Variants in ANO4 observed in about 807,000 individuals in gnomAD.
The protein encoded by ANO4 is anoctamin 4, also known as anoctamin-4.
ANO4 carries 69 observed loss-of-function variants against 141.9 expected under a neutral mutation model. The observed-to-expected ratio is 0.49, with a 90% CI of 0.40 to 0.59. ANO4 has a LOEUF of 0.59. ANO4 is among the 20% of genes least tolerant of loss of function. The probability of loss-of-function intolerance (pLI) is 0.00; values close to 1 mark genes in which losing one functional copy is unlikely to be tolerated. For missense variants in ANO4, 894 were observed against 1,162.2 expected, an observed-to-expected ratio of 0.77 and a Z score of 3.36; for synonymous variants, 350 against 394.3, an observed-to-expected ratio of 0.89 and a Z score of 1.33.
chr12:100,975,492 G>A (rs113018498), intron 7 of ANO4, among the ~76,000 whole-genome samples: 3,148 of 147,294 alleles, frequency 0.021, 105 homozygotes, highest in African/African-American at 0.075. Context: ...TACCATCTCC[G>A]CTAACCGCAA....
chr12:101,098,671 A>G (rs2050075486), intron 21 of ANO4, among the ~76,000 whole-genome samples: 1 of 152,212 alleles, frequency 6.6e-6, no homozygotes, highest in African/African-American at 2.4e-5. Context: ...GATGTTTTCT[A>G]TAAAACTTTT....
intron 7 of ANO4, among the ~76,000 whole-genome samples, chr12:100,979,814 G>A (rs1396893955): frequency 3.3e-5 from 5 of 151,344 alleles, no homozygotes; most frequent in African/African-American, 9.7e-5. Context: ...TGCAAGCTCC[G>A]CCTCCCGGGT....
chr12:101,008,392 G>GT (rs1284198513), intron 8 of ANO4, among the ~76,000 whole-genome samples: 1 of 152,046 alleles, frequency 6.6e-6, no homozygotes, highest in Non-Finnish European at 1.5e-5. Flanking sequence ...TTACTTTGCT[G>GT]TTTTTCAGTT....
chr12:100,819,633 C>T (rs575904256), intron 1 of ANO4, among the ~76,000 whole-genome samples: 81 of 151,746 alleles, frequency 5.3e-4, no homozygotes, highest in African/African-American at 1.7e-3. Context: ...ATGATAGGTT[C>T]GCTGCTCTAT....
At chr12:100,916,918 G>A (rs1042950425) in intron 2 of ANO4, among the ~76,000 whole-genome samples, 2 of 151,718 alleles carry the variant, frequency 1.3e-5, no homozygotes, top group Non-Finnish European at 2.9e-5. Flanking sequence ...TGGAAGTTGA[G>A]GCTGCAGTGA....
At chr12:100,756,376 G>A (rs930020735) in intron 3 of ANO4, among the ~76,000 whole-genome samples, 2 of 152,136 alleles carry the variant, frequency 1.3e-5, no homozygotes, top group Non-Finnish European at 2.9e-5. Context: ...TTGAGGTGTA[G>A]TCTTGCTCTG....
chr12:100,861,644 C>A (rs1315348686), intron 1 of ANO4, among the ~76,000 whole-genome samples: 3 of 152,132 alleles, frequency 2.0e-5, no homozygotes, highest in African/African-American at 7.2e-5. Flanking sequence ...TACATTTAGT[C>A]TACACTAAGG....
At chr12:101,057,158 T>C (rs2048156588) in intron 14 of ANO4, among the ~76,000 whole-genome samples, 1 of 151,872 alleles carries the variant, frequency 6.6e-6, no homozygotes, top group South Asian at 2.1e-4. Context: ...TCCAGCTTCA[T>C]CCATGTCCCT....
At chr12:100,761,914 G>C in intron 3 of ANO4, among the ~76,000 whole-genome samples, 1 of 152,092 alleles carries the variant, frequency 6.6e-6, no homozygotes, top group African/African-American at 2.4e-5. Context: ...TGGCTCCAAA[G>C]CTGCCCTTCT....
chr12:100,922,707 AT>A (rs2136106705), intron 3 of ANO4, among the ~76,000 whole-genome samples: 1 of 152,284 alleles, frequency 6.6e-6, no homozygotes, highest in South Asian at 2.1e-4. Flanking sequence ...AATGGAAGTA[AT>A]AAGAGGGAAA....
intron 8 of ANO4, 48 bp from the exon 9 acceptor site, chr12:101,019,986 T>C (rs2046457921): frequency 4.1e-6 from 6 of 1,478,578 alleles, no homozygotes; most frequent in Non-Finnish European, 5.7e-6. Context: ...AATTAGATCC[T>C]TCACCTCCGA....
At chr12:100,825,669 G>A (rs1432995774) in intron 1 of ANO4, among the ~76,000 whole-genome samples, 2 of 151,994 alleles carry the variant, frequency 1.3e-5, no homozygotes, top group African/African-American at 2.4e-5. Flanking sequence ...TCAGTAACTA[G>A]CATCCCAGCT....
intron 1 of ANO4, among the ~76,000 whole-genome samples, chr12:100,800,983 GTGTTTTGACACTTGCCATCCTTAT>G (rs2034647363): frequency 6.6e-6 from 1 of 152,210 alleles, no homozygotes; most frequent in South Asian, 2.1e-4. Flanking sequence ...TCCCTTGGAA[GTGTTTTGACACTTGCCATCCTTAT>G]TGACTTCTTT....
At chr12:100,951,513 A>G (rs2042968820) in intron 5 of ANO4, among the ~76,000 whole-genome samples, 1 of 152,216 alleles carries the variant, frequency 6.6e-6, no homozygotes, top group Non-Finnish European at 1.5e-5. Flanking sequence ...ATTAAAAAGA[A>G]CAAGATCATG....
At chr12:100,723,644 T>A (rs1213515433) in intron 1 of ANO4, among the ~76,000 whole-genome samples, 2 of 152,198 alleles carry the variant, frequency 1.3e-5, no homozygotes, top group African/African-American at 2.4e-5. Context: ...AGGAACACAC[T>A]CATGTATACA....
intron 2 of ANO4, among the ~76,000 whole-genome samples, chr12:100,902,703 C>T (rs2040652796): frequency 6.6e-6 from 1 of 152,198 alleles, no homozygotes; most frequent in Non-Finnish European, 1.5e-5. Flanking sequence ...GCTTCCTAAC[C>T]CATCAAGAAA....
chr12:100,752,089 A>G (rs1009160610), intron 3 of ANO4, among the ~76,000 whole-genome samples: 1 of 152,220 alleles, frequency 6.6e-6, no homozygotes, highest in East Asian at 1.9e-4. Context: ...AAAATAGGCA[A>G]AGTGTTTTTC....
At chr12:101,080,125 T>C (rs146290940) in intron 15 of ANO4, among the ~76,000 whole-genome samples, 53 of 152,352 alleles carry the variant, frequency 3.5e-4, no homozygotes, top group African/African-American at 1.2e-3. Context: ...AGTTTTTTGA[T>C]CATGGCTATT....
At chr12:101,084,750 T>C (rs2049415394) in intron 16 of ANO4, among the ~76,000 whole-genome samples, 1 of 152,236 alleles carries the variant, frequency 6.6e-6, no homozygotes, top group African/African-American at 2.4e-5. Flanking sequence ...TACATATTCA[T>C]ATTTATTGTA....
Sources: gnomAD v4.1 joint callset for allele counts (sites outside exome capture counted in the v4.1 genomes callset) on GRCh38, gnomAD v4.1.1 for gene constraint, MANE v1.5 for transcripts, NCBI Gene and HGNC (gene_info 2026-07-23, HGNC 2026-07-21) for gene names.